HMGXB4: variants seen among roughly 807,000 people sequenced by gnomAD.
The protein encoded by HMGXB4 is HMG domain-containing protein 4.
Under a neutral mutation model 63.9 loss-of-function variants are expected in HMGXB4, and 27 were observed. That is an observed-to-expected ratio of 0.42 (90% CI 0.31 to 0.58). HMGXB4 has a LOEUF of 0.58. Among genes scored for constraint, HMGXB4 ranks in the 20% least tolerant of loss-of-function variants. The probability of loss-of-function intolerance (pLI) is 0.13; values close to 1 mark genes in which losing one functional copy is unlikely to be tolerated. For missense variants in HMGXB4, 624 were observed against 700.7 expected, an observed-to-expected ratio of 0.89 and a Z score of 1.24; for synonymous variants, 264 against 265.3, an observed-to-expected ratio of 0.99 and a Z score of 0.05.
At chr22:35,291,631 A>C (rs1033254382) in intron 9 of HMGXB4, among the ~76,000 whole-genome samples, 1 of 152,222 alleles carries the variant, frequency 6.6e-6, no homozygotes, top group Admixed American at 6.5e-5. Context: ...TTTAGCTATT[A>C]TCTTCCCTGT....
chr22:35,253,607 G>A (rs62233268), upstream of HMGXB4, among the ~76,000 whole-genome samples: 78,418 of 149,382 alleles, frequency 0.52, 23,886 homozygotes, highest in Non-Finnish European at 0.68. Flanking sequence ...TTGTGCGCGC[G>A]CGCGCGCGCG....
At chr22:35,245,873 T>G in the HMGXB4 span, among the ~76,000 whole-genome samples, 2 of 152,194 alleles carry the variant, frequency 1.3e-5, no homozygotes, top group Admixed American at 1.3e-4. Context: ...AGGAGTGCCT[T>G]GTTATTGATC....
Position 35,293,725 on chromosome 22 carries a change from C to A in HMGXB4, c.*74C>A. On this transcript the variant is annotated 3_prime_UTR_variant, in exon 11 of 11. Coordinates refer to ENST00000216106, the MANE Select transcript of HMGXB4 (RefSeq NM_001003681.3). Reference sequence around the variant, plus strand: ...TGTGTATATATGACTGTTGCAGATTCCTTCAGTGGCCTCTGGCTGTAGGTT... The same window carrying A: ...TGTGTATATATGACTGTTGCAGATTACTTCAGTGGCCTCTGGCTGTAGGTT... 1 of 1,052,422 alleles carries A rather than the reference C, an allele frequency of 9.5e-7. No homozygotes were observed. Among genetic ancestry groups the A allele is most frequent in the Non-Finnish European group, 1.5e-6 (1 of 682,000 alleles). The allele number at this position is 1,052,422 out of a possible 1,614,324, so 65.2% of individuals were successfully genotyped here.
intron 5 of HMGXB4, among the ~76,000 whole-genome samples, chr22:35,276,186 G>A (rs1339173018): frequency 2.6e-5 from 4 of 152,170 alleles, no homozygotes; most frequent in African/African-American, 4.8e-5. Context: ...AAGTCAGCAC[G>A]TGAGGCGAAC....
intron 9 of HMGXB4, among the ~76,000 whole-genome samples, chr22:35,292,256 T>G (rs1451105777): frequency 6.6e-6 from 1 of 152,160 alleles, no homozygotes; most frequent in Admixed American, 6.5e-5. Context: ...GTTAGTATCT[T>G]ACAGGCACAG....
the HMGXB4 span, among the ~76,000 whole-genome samples, chr22:35,252,447 C>T: frequency 1.3e-5 from 2 of 152,238 alleles, no homozygotes; most frequent in African/African-American, 4.8e-5. Context: ...AGAGACCTCA[C>T]AGAAGCACGA....
chr22:35,272,217 C>G lies in HMGXB4; in HGVS notation c.1215+6614C>G, dbSNP rs563657152. Among the ~76,000 whole-genome samples the G allele has an allele frequency of 2.0e-5, 3 of 152,202 alleles. No homozygotes were observed. In the South Asian group the frequency reaches 6.2e-4, roughly 32 times the overall value. ...ACAGAAGGGAGGAGAAAAACAGTTT[C>G]AAGAGTAGAACAATCTCATGCTAGA... is the stretch of plus-strand genomic sequence containing the variant. On this transcript the variant is annotated intron_variant, in intron 5 of 10. Coordinates refer to ENST00000216106, the MANE Select transcript of HMGXB4 (RefSeq NM_001003681.3).
chr22:35,253,283 A>G (rs541828009), upstream of HMGXB4, among the ~76,000 whole-genome samples: 4 of 152,320 alleles, frequency 2.6e-5, no homozygotes, highest in East Asian at 3.9e-4. Flanking sequence ...TAATAGCCCA[A>G]TGAGAGATGG....
chr22:35,288,210 C>CAA, intron 8 of HMGXB4, 28 bp from the exon 9 acceptor site: 1 of 1,417,702 alleles, frequency 7.1e-7, no homozygotes. Context: ...GCAAGTTTTA[C>CAA]CTGTCTGCCT....
At chr22:35,286,821 G>C (rs914600448) in intron 7 of HMGXB4, 2 of 127,962 alleles carry the variant, frequency 1.6e-5, no homozygotes, top group African/African-American at 5.6e-5. Context: ...TTGCACTCCA[G>C]CTTTGGGCAA....
In HMGXB4 at chr22:35,265,047, T is replaced by C. The variant is rs752967716; in HGVS notation, c.659T>C (p.Val220Ala). The C allele has an allele frequency of 6.8e-6, 11 of 1,613,760 alleles. No homozygotes were observed. Among genetic ancestry groups the C allele is most frequent in the Middle Eastern group, 1.6e-4 (1 of 6,084 alleles). ...SFQYPSQQAT[V>A]KKSSKKSARD... ...CAATATCCCTCCCAACAAGCGACTG[T>C]GAAAAAATCCTCAAAGAAATCAGCT... The change falls in exon 5 of 11, where the codon GTG becomes GCG. Residue 220 changes from valine (V) to alanine (A), a missense_variant. Around this residue, in one of 2 missense-constraint regions of HMGXB4, gnomAD observed 472 missense variants for 470.6 expected, o/e 1.00. Coordinates refer to ENST00000216106, the MANE Select transcript of HMGXB4 (RefSeq NM_001003681.3).
chr22:35,264,807 A>G lies in HMGXB4; in HGVS notation c.419A>G (p.His140Arg). 1 of 1,614,204 alleles carries G rather than the reference A, an allele frequency of 6.2e-7. No homozygotes were observed. The highest frequency in any genetic ancestry group is 8.5e-7 in the Non-Finnish European group (1 of 1,180,034). ...GAGAAATCCTCTGGCTCTTCAAGCC[A>G]TTCGGAGAGTAAAAAGGAGCACCAC... ...TGEKSSGSSS[H>R]SESKKEHHRK... Residue 140 changes from histidine (H) to arginine (R), a missense_variant, in exon 5 of 11, where the codon CAT becomes CGT. Around this residue, in one of 2 missense-constraint regions of HMGXB4, gnomAD observed 472 missense variants for 470.6 expected, o/e 1.00. Transcript: ENST00000216106.
At chr22:35,262,944 G>A (rs1922955180) in intron 2 of HMGXB4, 134 bp from the exon 3 acceptor site, 5 of 821,402 alleles carry the variant, frequency 6.1e-6, no homozygotes, top group Non-Finnish European at 1.0e-5. Flanking sequence ...GTCTAGCCCT[G>A]TATTTCAGTG....
At chr22:35,247,404 A>G in the HMGXB4 span, among the ~76,000 whole-genome samples, 1 of 152,204 alleles carries the variant, frequency 6.6e-6, no homozygotes, top group Non-Finnish European at 1.5e-5. Flanking sequence ...GGCCTTCTCC[A>G]GCATTGGGTG....
intron 1 of HMGXB4, among the ~76,000 whole-genome samples, chr22:35,258,863 G>C (rs936520393): frequency 3.3e-4 from 50 of 152,182 alleles, no homozygotes; most frequent in African/African-American, 1.1e-3. Flanking sequence ...CTGGAGTTCA[G>C]AATTTCTCTT....
chr22:35,293,126 C>G lies in HMGXB4; in HGVS notation c.1761+12C>G. On this transcript the variant is annotated intron_variant, in intron 10 of 10. Coordinates refer to ENST00000216106, the MANE Select transcript of HMGXB4 (RefSeq NM_001003681.3). ...CCAAACAGGTCTTGGTGAGTTTTCC[C>G]TGGATTTTTAGAGTCAGATCCATTG... 1 of 1,614,182 alleles carries G rather than the reference C, an allele frequency of 6.2e-7. No individual in the cohort carries two copies. Among genetic ancestry groups the G allele is most frequent in the Non-Finnish European group, 8.5e-7 (1 of 1,180,018 alleles).
intron 1 of HMGXB4, among the ~76,000 whole-genome samples, chr22:35,260,475 T>TC (rs1169190419): frequency 6.6e-6 from 1 of 152,228 alleles, no homozygotes; most frequent in Admixed American, 6.5e-5. Flanking sequence ...GACAGTAGTT[T>TC]CCGCTGAGAA....
At chr22:35,276,586 G>A (rs898375930) in intron 5 of HMGXB4, among the ~76,000 whole-genome samples, 1 of 152,180 alleles carries the variant, frequency 6.6e-6, no homozygotes, top group Non-Finnish European at 1.5e-5. Context: ...TGAACTCATG[G>A]GCGAGGGTGT....
intron 9 of HMGXB4, among the ~76,000 whole-genome samples, chr22:35,290,212 A>T (rs1924840478): frequency 6.6e-6 from 1 of 152,200 alleles, no homozygotes; most frequent in Admixed American, 6.5e-5. Flanking sequence ...GCGTATTCTG[A>T]ATTTTCCCAG....
Sources: allele counts gnomAD v4.1 joint callset (sites outside exome capture counted in the v4.1 genomes callset), GRCh38; gene constraint gnomAD v4.1.1; regional missense constraint gnomAD v4.1.1; transcripts MANE v1.5; gene names NCBI Gene and HGNC (gene_info 2026-07-23, HGNC 2026-07-21).